DNHD1: variants seen among roughly 807,000 people sequenced by gnomAD.
DNHD1 encodes dynein heavy chain domain 1, also known as dynein heavy chain domain-containing protein 1.
Under a neutral mutation model 458.1 loss-of-function variants are expected in DNHD1, and 383 were observed. That is an observed-to-expected ratio of 0.84 (90% CI 0.77 to 0.91). The LOEUF is 0.91. DNHD1 is among the 40% of genes least tolerant of loss of function. The pLI is 0.00. For synonymous variants in DNHD1, 2,203 were observed against 2,376.9 expected (o/e 0.93, Z 2.13); for missense variants, 5,336 against 5,866.1 (o/e 0.91, Z 2.95).
chr11:6,568,449 T>G lies in DNHD1; in HGVS notation c.12539-5T>G, dbSNP rs751304207. On this transcript the variant is annotated splice_polypyrimidine_tract_variant and splice_region_variant and intron_variant, in intron 37 of 42. Transcript: ENST00000254579. Reference sequence around the variant, plus strand: ...GACTGATCTCAGACCCTTGTCTGACTCTAGTGGTTGCAGACCTGGAATCAG... The same window carrying G: ...GACTGATCTCAGACCCTTGTCTGACGCTAGTGGTTGCAGACCTGGAATCAG... The G allele has an allele frequency of 7.4e-6, 12 of 1,613,104 alleles. No homozygotes were observed. Among genetic ancestry groups the G allele is most frequent in the Non-Finnish European group, 1.0e-5 (12 of 1,179,886 alleles).
chr11:6,533,740 A>T lies in DNHD1; in HGVS notation c.2565A>T (p.Ala855=). ...AGGAGCGAATGGAATACGTACGGGCACTCCACGAACTCATCCGCAACCACT... is the reference window on the plus strand; with the variant it reads ...AGGAGCGAATGGAATACGTACGGGCTCTCCACGAACTCATCCGCAACCACT... ...ELEERMEYVR[A]LHELIRNHFS... Residue 855 remains alanine (A), a synonymous_variant, in exon 14 of 43, where the codon GCA becomes GCT. Coordinates refer to ENST00000254579, the MANE Select transcript of DNHD1 (RefSeq NM_144666.3). 1 of 1,551,256 alleles carries T rather than the reference A, an allele frequency of 6.4e-7. No individual in the cohort carries two copies. The highest frequency in any genetic ancestry group is 8.7e-7 in the Non-Finnish European group (1 of 1,146,920).
chr11:6,534,620 G>A (rs1852903375), intron 14 of DNHD1, among the ~76,000 whole-genome samples: 1 of 152,164 alleles, frequency 6.6e-6, no homozygotes, highest in South Asian at 2.1e-4. Flanking sequence ...AGGCTACTGA[G>A]GGCCTCACTA....
rs1589872137 is a variant in DNHD1, at chr11:6,519,845, C to T, written c.1638C>T (p.Asn546=). Reference sequence around the variant, plus strand: ...AGCAGATAACCTCTTTTGTGGCCAACATCCTTCAAGTGAGGTGGTGGGTGG... The same window carrying T: ...AGCAGATAACCTCTTTTGTGGCCAATATCCTTCAAGTGAGGTGGTGGGTGG... ...LEEQITSFVA[N]ILQAPRQKPF... is the part of the protein sequence containing the mutation. The change falls in exon 8 of 43, where the codon AAC becomes AAT. Residue 546 remains asparagine (N), a synonymous_variant. Coordinates refer to ENST00000254579, the MANE Select transcript of DNHD1 (RefSeq NM_144666.3). The T allele has an allele frequency of 4.3e-6, 7 of 1,612,662 alleles. No homozygotes were observed. The highest frequency in any genetic ancestry group is 5.9e-6 in the Non-Finnish European group (7 of 1,180,016).
chr11:6,498,079 C>A lies in DNHD1; in HGVS notation c.-137C>A. On this transcript the variant is annotated 5_prime_UTR_variant, in exon 3 of 43. Transcript: ENST00000254579. ...GACTCTGACCATCCCCTGCCCAGAG[C>A]CTGAGGTCCCTTCTCTGGCCCCTCT... 1 of 1,233,480 alleles carries A rather than the reference C, an allele frequency of 8.1e-7. No homozygotes were observed. Among genetic ancestry groups the A allele is most frequent in the Non-Finnish European group, 1.1e-6 (1 of 877,932 alleles). The allele number at this position is 1,233,480 out of a possible 1,614,324, so 76.4% of individuals were successfully genotyped here.
rs765329213 is a variant in DNHD1 at position 6,546,087 on chromosome 11, G to A, written c.5148G>A (p.Gln1716=). 6.4e-7 allele frequency: 1 copy of A among 1,551,590 alleles called. No individual in the cohort carries two copies. The highest frequency in any genetic ancestry group is 1.2e-5 in the South Asian group (1 of 84,062). Residue 1716 remains glutamine (Q), a synonymous_variant, in exon 21 of 43, where the codon CAG becomes CAA. Coordinates refer to ENST00000254579, the MANE Select transcript of DNHD1 (RefSeq NM_144666.3). ...RQLVMLPCSP[Q]IEAQCLSNYL... is the part of the protein sequence containing the mutation. ...TGGTGATGCTACCCTGCTCACCTCA[G>A]ATAGAGGCTCAATGCCTGAGCAACT... is the stretch of plus-strand genomic sequence containing the variant.
At chr11:6,556,553 G>A in intron 24 of DNHD1, 130 bp from the exon 25 acceptor site, 2 of 860,724 alleles carry the variant, frequency 2.3e-6, no homozygotes, top group African/African-American at 3.4e-5. Flanking sequence ...TTACTCAAAT[G>A]TGACCAAGTC....
chr11:6,538,614 C>T lies in DNHD1; in HGVS notation c.3129C>T (p.Phe1043=). 1.9e-6 allele frequency: 3 copies of T among 1,546,426 alleles called. No homozygotes were observed. In the African/African-American group the frequency reaches 4.1e-5, roughly 21 times the overall value. ...ACAGTGAGCCCTTCTCCCTGCAGTT[C>T]AGCCCAGCTATGGCCCAGGAGAAGA... is the stretch of plus-strand genomic sequence containing the variant. ...SEWKCMAFAK[F]SPAMAQEKTE... is the part of the protein sequence containing the mutation. Residue 1043 remains phenylalanine (F), a splice_region_variant and synonymous_variant, in exon 16 of 43, where the codon TTC becomes TTT. Transcript: ENST00000254579.
chr11:6,548,322 G>C lies in DNHD1; in HGVS notation c.7018G>C (p.Gly2340Arg). Residue 2340 changes from glycine to arginine, a missense_variant, in exon 23 of 43, where the codon GGA becomes CGA. Gly to Arg is a moderately radical substitution (Grantham distance 125). Coordinates refer to ENST00000254579, the MANE Select transcript of DNHD1 (RefSeq NM_144666.3). This position sits in a 1 kb window ranked among gnomAD's most constrained non-coding sequence, Gnocchi z 4.4. ...TGATCTACATGTAAGCCCTGAAGATGGAACACTGGTCCCCTTCACTGGCCA... is the reference window on the plus strand; with the variant it reads ...TGATCTACATGTAAGCCCTGAAGATCGAACACTGGTCCCCTTCACTGGCCA... ...VFDLHVSPED[G>R]TLVPFTGQYL... The C allele has an allele frequency of 6.4e-7, 1 of 1,551,676 alleles. No homozygotes were observed. The highest frequency in any genetic ancestry group is 8.7e-7 in the Non-Finnish European group (1 of 1,146,994).
rs755549788 is a variant in DNHD1, at chr11:6,519,860, G to A, written c.1647+6G>A. The A allele has an allele frequency of 1.2e-6, 2 of 1,612,700 alleles. No homozygotes were observed. Among genetic ancestry groups the A allele is most frequent in the South Asian group, 1.1e-5 (1 of 91,078 alleles). On this transcript the variant is annotated splice_donor_region_variant and intron_variant, in intron 8 of 42. Transcript: ENST00000254579. ...TTGTGGCCAACATCCTTCAAGTGAG[G>A]TGGTGGGTGGCATGTGTGGAGGTGG...
At chr11:6,509,137 A>AT (rs1564995802) in intron 5 of DNHD1, 25 bp from the exon 6 acceptor site, 2 of 1,614,110 alleles carry the variant, frequency 1.2e-6, no homozygotes, top group Non-Finnish European at 1.7e-6. Flanking sequence ...GCAACAGTAT[A>AT]TTATCACTGA....
rs11433645 is a variant in DNHD1 at position 6,526,607 on chromosome 11, TA to T, written c.1838-1908del. Reference sequence around the variant, plus strand: ...TTCACTTTCTATTGTTTTTCTGTATTAAAAAAAGATGGCTTACTTTCTGAGG... The same window carrying T: ...TTCACTTTCTATTGTTTTTCTGTATTAAAAAAGATGGCTTACTTTCTGAGG... On this transcript the variant is annotated intron_variant, in intron 10 of 42. Coordinates refer to ENST00000254579, the MANE Select transcript of DNHD1 (RefSeq NM_144666.3). Among the ~76,000 whole-genome samples, 5 of 151,898 alleles carry T rather than the reference TA, an allele frequency of 3.3e-5. 1 individual carries two copies. In the South Asian group the frequency reaches 1.0e-3, roughly 32 times the overall value.
rs1853519268 is a variant in DNHD1, at chr11:6,558,598, C to A, written c.9116C>A (p.Ala3039Asp). The A allele has an allele frequency of 6.4e-7, 1 of 1,551,734 alleles. No individual in the cohort carries two copies. Among genetic ancestry groups the A allele is most frequent in the South Asian group, 1.2e-5 (1 of 84,064 alleles). The change falls in exon 26 of 43, where the codon GCC (alanine) becomes GAC (aspartate). Residue 3039 changes from alanine to aspartate, a missense_variant. Physicochemically the swap from Ala to Asp is moderately radical, Grantham distance 126 (BLOSUM62 -2). Around this residue, in one of 4 missense-constraint regions of DNHD1, gnomAD observed 3,932 missense variants for 4,365.6 expected, o/e 0.90. Transcript: ENST00000254579. ...LFLRLLQLAT[A>D]SIDRYEPWDQ... ...CTGAGGCTCCTTCAACTGGCCACTG[C>A]CAGCATTGACCGCTATGAACCCTGG...
At chr11:6,537,977 G>A (rs938380590) in intron 14 of DNHD1, among the ~76,000 whole-genome samples, 4 of 152,164 alleles carry the variant, frequency 2.6e-5, no homozygotes, top group African/African-American at 9.7e-5. Context: ...CTTGAAGCTG[G>A]TGAGGGCATG....
intron 25 of DNHD1, 42 bp from the exon 26 acceptor site, chr11:6,558,443 C>A: frequency 1.3e-6 from 2 of 1,548,022 alleles, no homozygotes. Flanking sequence ...GAGGGGCAAG[C>A]AAAGGTAAAG....
At chr11:6,539,133 G>T in intron 16 of DNHD1, 86 bp from the exon 17 acceptor site, 1 of 933,334 alleles carries the variant, frequency 1.1e-6, no homozygotes, top group East Asian at 2.6e-5. Context: ...AGCTGGGCTG[G>T]GCTGGGCTGG....
chr11:6,504,758 C>T (rs1852197338), intron 4 of DNHD1, among the ~76,000 whole-genome samples: 1 of 152,076 alleles, frequency 6.6e-6, no homozygotes, highest in African/African-American at 2.4e-5. Flanking sequence ...CCAGCCAGCA[C>T]TGTCTGAATC....
chr11:6,524,854 G>A (rs988501848), intron 10 of DNHD1, among the ~76,000 whole-genome samples: 3 of 152,208 alleles, frequency 2.0e-5, no homozygotes, highest in Non-Finnish European at 4.4e-5. Context: ...GCTAGATTCA[G>A]CTGCAGTGGC....
intron 28 of DNHD1, among the ~76,000 whole-genome samples, chr11:6,560,722 T>C (rs1853570332): frequency 6.6e-6 from 1 of 152,194 alleles, no homozygotes; most frequent in Admixed American, 6.5e-5. Flanking sequence ...TAGTGTGTAC[T>C]TCTTCCAGTG....
rs775300880 is a variant in DNHD1, at chr11:6,540,091, C to A, written c.3628+8C>A. The A allele has an allele frequency of 3.2e-5, 49 of 1,550,648 alleles. No homozygotes were observed. Among genetic ancestry groups the A allele is most frequent in the Non-Finnish European group, 4.2e-5 (48 of 1,146,212 alleles). On this transcript the variant is annotated splice_region_variant and intron_variant, in intron 18 of 42. Coordinates refer to ENST00000254579, the MANE Select transcript of DNHD1 (RefSeq NM_144666.3). ...GCACCTTCATCCTCTCAGGTGAGAC[C>A]CAGACCTTGTGACCTAGTGAAAGCC...
Sources: allele counts gnomAD v4.1 joint callset (sites outside exome capture counted in the v4.1 genomes callset), GRCh38; gene constraint gnomAD v4.1.1; regional missense constraint gnomAD v4.1.1; non-coding constraint Gnocchi (gnomAD v3.1); transcripts MANE v1.5; gene names NCBI Gene and HGNC (gene_info 2026-07-23, HGNC 2026-07-21).